Variants in TAFA1 observed in about 807,000 individuals in gnomAD.
TAFA1 encodes the protein TAFA chemokine like family member 1.
A neutral mutation model predicts 18.5 loss-of-function variants in TAFA1; 4 were observed. That is an observed-to-expected ratio of 0.22 (90% CI 0.11 to 0.49). The LOEUF (loss-of-function observed/expected upper bound fraction) is 0.49, where lower values mean the gene tolerates loss of function less well. Among genes scored for constraint, TAFA1 ranks in the 20% least tolerant of loss-of-function variants. The pLI, the probability that TAFA1 is intolerant of heterozygous loss-of-function variation, is 0.98. For missense variants in TAFA1, 147 were observed against 169.0 expected (o/e 0.87, Z 0.72); for synonymous variants, 56 against 55.2 (o/e 1.01, Z -0.06).
intron 2 of TAFA1, among the ~76,000 whole-genome samples, chr3:68,178,779 C>G (rs1247235739): frequency 6.6e-6 from 1 of 152,144 alleles, no homozygotes; most frequent in African/African-American, 2.4e-5. Flanking sequence ...TTGTTATCCA[C>G]GTAAGGAGTT....
chr3:68,343,757 G>T (rs199773555), intron 2 of TAFA1, among the ~76,000 whole-genome samples: 2,217 of 152,252 alleles, frequency 0.015, 55 homozygotes, highest in South Asian at 0.052. Context: ...GTGAACAAAA[G>T]CTTGACCCAT....
intron 4 of TAFA1, among the ~76,000 whole-genome samples, chr3:68,543,870 G>A (rs2073416420): frequency 6.6e-6 from 1 of 152,146 alleles, no homozygotes; most frequent in South Asian, 2.1e-4. Context: ...GTGTCATTGA[G>A]TGCAACAGTT....
intron 2 of TAFA1, among the ~76,000 whole-genome samples, chr3:68,129,534 C>T (rs1384453122): frequency 2.0e-5 from 3 of 152,170 alleles, no homozygotes; most frequent in Non-Finnish European, 4.4e-5. Context: ...CATAAGCATC[C>T]CTTTCCATTT....
At chr3:68,337,498 A>G (rs559703636) in intron 2 of TAFA1, among the ~76,000 whole-genome samples, 1 of 152,294 alleles carries the variant, frequency 6.6e-6, no homozygotes, top group East Asian at 1.9e-4. Flanking sequence ...CAATTGGTGT[A>G]CAAAAAAGTT....
chr3:68,119,027 C>A lies in TAFA1; in HGVS notation c.118+112283C>A, dbSNP rs1399699160. On this transcript the variant is annotated intron_variant, in intron 2 of 4. Transcript: ENST00000478136. ...ATGACACAATTTTTCCACATCCTTGCCAAAACTTATTTTCTTTTTTTTGGG... is the reference window on the plus strand; with the variant it reads ...ATGACACAATTTTTCCACATCCTTGACAAAACTTATTTTCTTTTTTTTGGG... 2.0e-5 allele frequency among the ~76,000 whole-genome samples: 3 copies of A among 151,992 alleles called. No individual in the cohort carries two copies. In the East Asian group the frequency reaches 5.8e-4, roughly 29 times the overall value.
chr3:68,497,978 T>C (rs1379424956), intron 3 of TAFA1, among the ~76,000 whole-genome samples: 1 of 152,204 alleles, frequency 6.6e-6, no homozygotes, highest in Admixed American at 6.5e-5. Flanking sequence ...AAGGATCCAC[T>C]TGGATCTGAT....
chr3:68,239,248 A>C (rs2066968170), intron 2 of TAFA1, among the ~76,000 whole-genome samples: 1 of 152,146 alleles, frequency 6.6e-6, no homozygotes, highest in Admixed American at 6.5e-5. Context: ...GTATTATGGA[A>C]GAAAGTAAGA....
At chr3:68,177,012 TG>T (rs2066135279) in intron 2 of TAFA1, among the ~76,000 whole-genome samples, 1 of 152,166 alleles carries the variant, frequency 6.6e-6, no homozygotes, top group Admixed American at 6.5e-5. Context: ...CATCGAGAAC[TG>T]GTATTTTCAC....
intron 2 of TAFA1, among the ~76,000 whole-genome samples, chr3:68,333,967 C>T (rs2068925754): frequency 6.6e-6 from 1 of 152,130 alleles, no homozygotes; most frequent in African/African-American, 2.4e-5. Context: ...CTCATAGAAA[C>T]AAGTAAGACT....
At chr3:68,283,828 A>T (rs942711331) in intron 2 of TAFA1, among the ~76,000 whole-genome samples, 2 of 152,166 alleles carry the variant, frequency 1.3e-5, no homozygotes, top group African/African-American at 4.8e-5. Context: ...GCTTCCTTTT[A>T]TACATTGCAT....
chr3:68,488,063 C>A (rs940230464), intron 3 of TAFA1, among the ~76,000 whole-genome samples: 2 of 152,028 alleles, frequency 1.3e-5, no homozygotes, highest in African/African-American at 4.8e-5. Context: ...TACTAGTATG[C>A]GTATGTATTA....
At chr3:68,299,239 A>G (rs1192479934) in intron 2 of TAFA1, among the ~76,000 whole-genome samples, 1 of 152,222 alleles carries the variant, frequency 6.6e-6, no homozygotes. Flanking sequence ...CATTTCCAAA[A>G]GACAGCTAAG....
At chr3:68,398,240 T>C (rs113393436) in intron 2 of TAFA1, among the ~76,000 whole-genome samples, 8,732 of 152,068 alleles carry the variant, frequency 0.057, 312 homozygotes, top group East Asian at 0.14. Flanking sequence ...CCAATGGAAA[T>C]GAACAAAGGC....
intron 2 of TAFA1, among the ~76,000 whole-genome samples, chr3:68,159,622 C>T (rs2065902495): frequency 6.6e-6 from 1 of 152,118 alleles, no homozygotes; most frequent in Non-Finnish European, 1.5e-5. Flanking sequence ...TCACTGGACA[C>T]TTCCTACAGG....
intron 2 of TAFA1, among the ~76,000 whole-genome samples, chr3:68,190,646 C>A (rs750720673): frequency 6.6e-6 from 1 of 151,682 alleles, no homozygotes; most frequent in Non-Finnish European, 1.5e-5. Flanking sequence ...GATTCTGCTG[C>A]ACATTAAATT....
intron 2 of TAFA1, among the ~76,000 whole-genome samples, chr3:68,288,308 T>G (rs187187741): frequency 6.6e-6 from 1 of 152,332 alleles, no homozygotes; most frequent in Admixed American, 6.5e-5. Context: ...ATTTAGTTTT[T>G]TAAGCAGCTT....
intron 3 of TAFA1, among the ~76,000 whole-genome samples, chr3:68,429,465 G>A (rs898239447): frequency 1.1e-4 from 16 of 151,866 alleles, no homozygotes; most frequent in African/African-American, 3.1e-4. Flanking sequence ...CCCCATGTGG[G>A]AACTGCTGGA....
chr3:68,154,966 T>C (rs2065849929), intron 2 of TAFA1, among the ~76,000 whole-genome samples: 1 of 152,204 alleles, frequency 6.6e-6, no homozygotes, highest in African/African-American at 2.4e-5. Context: ...TAAATAAAAG[T>C]TGAGATGCAT....
intron 3 of TAFA1, among the ~76,000 whole-genome samples, chr3:68,447,928 G>A (rs1559674199): frequency 6.6e-6 from 1 of 152,198 alleles, no homozygotes; most frequent in East Asian, 1.9e-4. Context: ...GGTTAATCCT[G>A]CAATAATCCT....
Sources: allele counts gnomAD v4.1 joint callset (sites outside exome capture counted in the v4.1 genomes callset), GRCh38; gene constraint gnomAD v4.1.1; transcripts MANE v1.5; gene names NCBI Gene and HGNC (gene_info 2026-07-23, HGNC 2026-07-21).